Variants in TRMO observed in about 807,000 individuals in gnomAD.
TRMO encodes tRNA methyltransferase O, also known as tRNA (adenine(37)-N6)-methyltransferase.
A neutral mutation model predicts 37.2 loss-of-function variants in TRMO; 30 were observed. The ratio of observed to expected loss-of-function variants is 0.81; its 90% CI spans 0.60 to 1.09. The LOEUF (loss-of-function observed/expected upper bound fraction) is 1.09. Ranked by LOEUF, TRMO falls within the 50% of genes least tolerant of loss-of-function variation. The pLI is 0.00. For synonymous variants in TRMO, 239 were observed against 199.4 expected, an observed-to-expected ratio of 1.20 and a Z score of -1.67; for missense variants, 552 against 549.5, an observed-to-expected ratio of 1.00 and a Z score of -0.05.
rs1471517827 is a variant in TRMO at position 97,904,987 on chromosome 9, C to T, written c.1072G>A (p.Gly358Ser). 3.7e-6 allele frequency: 6 copies of T among 1,611,396 alleles called. No individual in the cohort carries two copies. The highest frequency in any genetic ancestry group is 5.1e-6 in the Non-Finnish European group (6 of 1,177,838). The change falls in exon 5 of 5, where the codon GGT (glycine) becomes AGT (serine). Residue 358 changes from glycine (G) to serine (S), a missense_variant. By Grantham distance (56) the Gly-to-Ser change is moderately conservative. Coordinates refer to ENST00000375119, the MANE Select transcript of TRMO (RefSeq NM_016481.5). The part of the protein sequence containing the change: ...DLGQLSSQDV[G>S]QASFKYFQSA... ...TGAAAATATTTAAATGACGCCTGAC[C>T]AACATCTGCAATGAAAAAAACACAA...
chr9:97,922,256 C>T (rs903050703), intron 1 of TRMO, among the ~76,000 whole-genome samples, 162 bp downstream of exon 1: 1 of 152,248 alleles, frequency 6.6e-6, no homozygotes, highest in Non-Finnish European at 1.5e-5. Context: ...CGCCAAAGCA[C>T]ATCACGTGGT....
chr9:97,900,480 G>A (rs1229956334), downstream of TRMO, among the ~76,000 whole-genome samples: 1 of 152,248 alleles, frequency 6.6e-6, no homozygotes, highest in East Asian at 1.9e-4. Flanking sequence ...TTCACGAGTG[G>A]TTGGATTTCC....
chr9:97,921,056 G>A lies in TRMO; in HGVS notation c.76+1362C>T, dbSNP rs531349687. On this transcript the variant is annotated intron_variant, in intron 1 of 4. Coordinates refer to ENST00000375119, the MANE Select transcript of TRMO (RefSeq NM_016481.5). Reference sequence around the variant, plus strand: ...CGTTTTCCTTCCTGTCAAAATATGAGACCTGTAATCGGCAGTGTGCAACAA... The same window carrying A: ...CGTTTTCCTTCCTGTCAAAATATGAAACCTGTAATCGGCAGTGTGCAACAA... Among the ~76,000 whole-genome samples the A allele has an allele frequency of 2.0e-5, 3 of 152,300 alleles. No individual in the cohort carries two copies. The East Asian group carries it at 5.8e-4, about 29-fold the overall frequency.
At chr9:97,902,081 T>C (rs1278967246), downstream of TRMO, among the ~76,000 whole-genome samples, 1 of 152,212 alleles carries the variant, frequency 6.6e-6, no homozygotes, top group Non-Finnish European at 1.5e-5. Flanking sequence ...CCAGCCTGTG[T>C]GGCCTCTCTA....
intron 1 of TRMO, among the ~76,000 whole-genome samples, chr9:97,918,842 C>T (rs748523192): frequency 1.2e-4 from 18 of 152,218 alleles, no homozygotes; most frequent in Non-Finnish European, 2.1e-4. Flanking sequence ...TCACACCCTT[C>T]TTTTCCCTCT....
downstream of TRMO, among the ~76,000 whole-genome samples, chr9:97,903,892 G>A (rs765855978): frequency 2.0e-5 from 3 of 152,154 alleles, no homozygotes; most frequent in Non-Finnish European, 2.9e-5. Context: ...AGGAATTCGA[G>A]ACCAGCCTGA....
downstream of TRMO, chr9:97,900,566 T>C (rs1295018497): frequency 6.5e-6 from 1 of 152,726 alleles, no homozygotes; most frequent in African/African-American, 2.4e-5. Flanking sequence ...CAGCATGATT[T>C]GCTAAGGCGT....
chr9:97,898,828 T>C, the TRMO span, among the ~76,000 whole-genome samples: 1 of 138,606 alleles, frequency 7.2e-6, no homozygotes, highest in African/African-American at 2.8e-5. Flanking sequence ...CATTTTCATA[T>C]ATATATATAC....
At chr9:97,916,680 G>T (rs1472706716) in intron 1 of TRMO, among the ~76,000 whole-genome samples, 1 of 151,034 alleles carries the variant, frequency 6.6e-6, no homozygotes, top group African/African-American at 2.4e-5. Flanking sequence ...TGTGACTCTG[G>T]CCAGGGCTAT....
At chr9:97,919,257 C>A (rs1246044573) in intron 1 of TRMO, among the ~76,000 whole-genome samples, 1 of 151,938 alleles carries the variant, frequency 6.6e-6, no homozygotes, top group African/African-American at 2.4e-5. Flanking sequence ...GACCCCTAGC[C>A]CAGCCACAAA....
At chr9:97,901,236 A>C (rs1472488607), downstream of TRMO, among the ~76,000 whole-genome samples, 2 of 114,124 alleles carry the variant, frequency 1.8e-5, no homozygotes, top group Admixed American at 9.0e-5. Flanking sequence ...GGTGCCATTT[A>C]CGCCTAGTAG....
chr9:97,922,296 G>A lies in TRMO; in HGVS notation c.76+122C>T, dbSNP rs547324363. The stretch of plus-strand genomic sequence containing the variant: ...GCAGCACGTGACCCGTGCCTTCGCC[G>A]TAGGTAAAAGAATGACGCACGTCAG... On this transcript the variant is annotated intron_variant, in intron 1 of 4. Transcript: ENST00000375119. The A allele has an allele frequency of 5.6e-5, 39 of 690,994 alleles. 1 individual carries two copies. In the African/African-American group the frequency reaches 6.7e-4, roughly 12 times the overall value. 42.8% of individuals were successfully genotyped at this position (690,994 alleles called of 1,614,324 possible).
chr9:97,913,876 C>T (rs1826240484), intron 2 of TRMO: 1 of 229,414 alleles, frequency 4.4e-6, no homozygotes, highest in Non-Finnish European at 8.6e-6. Flanking sequence ...TACGGTAAAA[C>T]ATTTTTACAC....
intron 3 of TRMO, 92 bp downstream of exon 3, chr9:97,913,309 C>A: frequency 1.4e-6 from 2 of 1,438,396 alleles, no homozygotes; most frequent in South Asian, 2.3e-5. Context: ...CATTGGTACT[C>A]GTCTGAATAA....
intron 4 of TRMO, among the ~76,000 whole-genome samples, chr9:97,908,629 T>C (rs1191820876): frequency 6.6e-6 from 1 of 152,272 alleles, no homozygotes; most frequent in South Asian, 2.1e-4. Flanking sequence ...AAGCCTGCTG[T>C]ATTCTTAAAT....
chr9:97,908,713 T>C (rs893864815), intron 4 of TRMO, among the ~76,000 whole-genome samples: 2 of 152,248 alleles, frequency 1.3e-5, no homozygotes, highest in Admixed American at 6.5e-5. Flanking sequence ...TGATTGCTTA[T>C]TATACTTTTA....
At chr9:97,907,784 C>T (rs935291322) in intron 4 of TRMO, among the ~76,000 whole-genome samples, 1 of 152,164 alleles carries the variant, frequency 6.6e-6, no homozygotes, top group Non-Finnish European at 1.5e-5. Context: ...TCTTTGACCT[C>T]ATATCCTTCC....
chr9:97,907,455 C>T (rs1005515910), intron 4 of TRMO, among the ~76,000 whole-genome samples: 3 of 152,168 alleles, frequency 2.0e-5, no homozygotes, highest in Non-Finnish European at 4.4e-5. Flanking sequence ...AGCCAAATAC[C>T]CCCCTAGCCT....
At chr9:97,900,055 A>C (rs1267110152), downstream of TRMO, among the ~76,000 whole-genome samples, 1 of 152,144 alleles carries the variant, frequency 6.6e-6, no homozygotes, top group African/African-American at 2.4e-5. Flanking sequence ...AGACTGCCTC[A>C]AAAAACAAAA....
Sources: allele counts gnomAD v4.1 joint callset (sites outside exome capture counted in the v4.1 genomes callset), GRCh38; gene constraint gnomAD v4.1.1; transcripts MANE v1.5; gene names NCBI Gene and HGNC (gene_info 2026-07-23, HGNC 2026-07-21).